LMBR1: variants seen among roughly 807,000 people sequenced by gnomAD.
LMBR1 encodes limb development membrane protein 1.
In LMBR1, 52 loss-of-function variants were observed where a neutral mutation model predicts 73.9. The ratio of observed to expected loss-of-function variants is 0.70; its 90% CI spans 0.56 to 0.89. The LOEUF (loss-of-function observed/expected upper bound fraction) is 0.89, where lower values mean the gene tolerates loss of function less well. Among genes scored for constraint, LMBR1 ranks in the 40% least tolerant of loss-of-function variants. LMBR1 has a pLI of 0.00. For synonymous variants in LMBR1, 215 were observed against 209.4 expected (o/e 1.03, Z -0.23); for missense variants, 539 against 579.8 (o/e 0.93, Z 0.72).
At chr7:156,835,102 T>C (rs570036099) in intron 2 of LMBR1, among the ~76,000 whole-genome samples, 26 of 152,164 alleles carry the variant, frequency 1.7e-4, no homozygotes, top group South Asian at 1.5e-3. Context: ...ATCACGCCAC[T>C]GCACTCCAGC....
chr7:156,868,036 T>G (rs1332181709), intron 1 of LMBR1, among the ~76,000 whole-genome samples: 6 of 152,148 alleles, frequency 3.9e-5, no homozygotes, highest in Non-Finnish European at 2.9e-5. Flanking sequence ...AGAAAATTTT[T>G]TTAATAAAAA....
At chr7:156,723,692 A>G (rs867152245) in intron 15 of LMBR1, among the ~76,000 whole-genome samples, 1 of 152,136 alleles carries the variant, frequency 6.6e-6, no homozygotes, top group African/African-American at 2.4e-5. Flanking sequence ...GTTCACCTCT[A>G]TTTTGTGGAC....
intron 15 of LMBR1, among the ~76,000 whole-genome samples, chr7:156,696,709 T>G (rs549271900): frequency 6.6e-6 from 1 of 152,286 alleles, no homozygotes; most frequent in South Asian, 2.1e-4. Context: ...TACCTCCCAC[T>G]GAATCCCTCC....
Position 156,892,897 on chromosome 7 carries a change from G to T in LMBR1, c.66+31C>A, listed in dbSNP as rs1032503412. 5 of 1,435,004 alleles carry T rather than the reference G, an allele frequency of 3.5e-6. No homozygotes were observed. The African/African-American group carries it at 7.4e-5, about 21-fold the overall frequency. The allele number at this position is 1,435,004 out of a possible 1,614,324, so 88.9% of individuals were successfully genotyped here. ...ACGGAGGGCCCGGGCGGGCACGCGG[G>T]ACTGTCAGGGCTGCCTCGGTCCCCA... On this transcript the variant is annotated intron_variant, in intron 1 of 16. Transcript: ENST00000353442.
At chr7:156,741,678 T>G (rs10225482) in intron 9 of LMBR1, among the ~76,000 whole-genome samples, 111,327 of 152,062 alleles carry the variant, frequency 0.73, 41,554 homozygotes, top group African/African-American at 0.89. Context: ...TAAAGAGAAA[T>G]ACCTCAATAC....
intron 4 of LMBR1, among the ~76,000 whole-genome samples, chr7:156,812,563 C>T (rs1214143555): frequency 6.6e-6 from 1 of 152,126 alleles, no homozygotes; most frequent in Non-Finnish European, 1.5e-5. Context: ...TACAAAGAAC[C>T]AAATTCAGCC....
At position 156,762,201 on chromosome 7, in the gene LMBR1, G is replaced by A. The variant is rs768354751; in HGVS notation, c.620-3C>T. 2.3e-5 allele frequency: 37 copies of A among 1,603,412 alleles called. No homozygotes were observed. Among genetic ancestry groups the A allele is most frequent in the Non-Finnish European group, 3.0e-5 (35 of 1,171,246 alleles). ...AGAAAGGCCAACTGGTGTACACACT[G>A]CAGAAATAAGATCACCAAAAGACAG... On this transcript the variant is annotated splice_polypyrimidine_tract_variant and splice_region_variant and intron_variant, in intron 7 of 16. Transcript: ENST00000353442.
chr7:156,739,845 G>A (rs58446765), intron 9 of LMBR1, among the ~76,000 whole-genome samples: 14,130 of 152,002 alleles, frequency 0.093, 725 homozygotes, highest in East Asian at 0.16. Flanking sequence ...AGACACTGAC[G>A]AATATCCACA....
intron 4 of LMBR1, among the ~76,000 whole-genome samples, chr7:156,801,923 A>C (rs1831062739): frequency 6.6e-6 from 1 of 152,186 alleles, no homozygotes; most frequent in African/African-American, 2.4e-5. Flanking sequence ...GAGCAAGAAA[A>C]ACTTAAGCTA....
At chr7:156,851,655 A>G (rs1796256009) in intron 1 of LMBR1, among the ~76,000 whole-genome samples, 1 of 152,136 alleles carries the variant, frequency 6.6e-6, no homozygotes, top group African/African-American at 2.4e-5. Flanking sequence ...AACAATGGAG[A>G]GAGAAAAAGT....
chr7:156,803,051 G>T (rs1020835692), intron 4 of LMBR1, among the ~76,000 whole-genome samples: 1 of 152,096 alleles, frequency 6.6e-6, no homozygotes, highest in African/African-American at 2.4e-5. Context: ...AAAAACCCTA[G>T]AAGAAACCCT....
At chr7:156,725,318 G>C (rs1202494899) in intron 14 of LMBR1, 117 bp downstream of exon 14, 2 of 617,962 alleles carry the variant, frequency 3.2e-6, no homozygotes, top group Non-Finnish European at 5.7e-6. Flanking sequence ...TTGTGTTTAC[G>C]CAACTTACAA....
At chr7:156,701,871 A>G (rs1809785225) in intron 15 of LMBR1, among the ~76,000 whole-genome samples, 1 of 152,196 alleles carries the variant, frequency 6.6e-6, no homozygotes, top group Admixed American at 6.5e-5. Context: ...AAGTGAGAAC[A>G]TGTGGTGTTT....
In LMBR1 at chr7:156,670,081, T is replaced by C. The variant is rs1436182541; in HGVS notation, n.867-794A>G. ...AATGTTATTCTAAGAAAAAATTAAA[T>C]TATAAATTTTATGACTTTCACAGTG... On this transcript the variant is annotated intron_variant and non_coding_transcript_variant, in intron 4 of 4. Coordinates refer to the LMBR1 transcript ENST00000430825. The surrounding 1 kb of genome is among the most constrained non-coding windows in gnomAD (Gnocchi z 4.3). 6.6e-6 allele frequency among the ~76,000 whole-genome samples: 1 copy of C among 152,232 alleles called. No individual in the cohort carries two copies. The highest frequency in any genetic ancestry group is 1.5e-5 in the Non-Finnish European group (1 of 68,042).
At chr7:156,888,284 C>G (rs1277078534) in intron 1 of LMBR1, among the ~76,000 whole-genome samples, 1 of 151,918 alleles carries the variant, frequency 6.6e-6, no homozygotes, top group African/African-American at 2.4e-5. Flanking sequence ...GTGGCGGGTG[C>G]CTGTAGTCCC....
chr7:156,746,572 T>TAAA (rs1819892419), intron 9 of LMBR1, among the ~76,000 whole-genome samples: 1 of 152,202 alleles, frequency 6.6e-6, no homozygotes, highest in African/African-American at 2.4e-5. Flanking sequence ...AGGTAATTAA[T>TAAA]AAATACTGAC....
intron 4 of LMBR1, among the ~76,000 whole-genome samples, chr7:156,824,820 A>AG (rs1319036153): frequency 1.3e-5 from 2 of 151,766 alleles, no homozygotes; most frequent in Non-Finnish European, 2.9e-5. Context: ...ACTCTAGGCT[A>AG]GGCGACAGAG....
rs947403651 is a variant in LMBR1, at chr7:156,729,523, G to A, written c.839-803C>T. Reference sequence around the variant, plus strand: ...GAGTCTCGCTCTGTCTCCCAGGCTGGAGTGCAGTGGCACAATCTCGGCTCA... The same window carrying A: ...GAGTCTCGCTCTGTCTCCCAGGCTGAAGTGCAGTGGCACAATCTCGGCTCA... On this transcript the variant is annotated intron_variant, in intron 10 of 16. Coordinates refer to ENST00000353442, the MANE Select transcript of LMBR1 (RefSeq NM_022458.4). Among the ~76,000 whole-genome samples, 5 of 148,072 alleles carry A rather than the reference G, an allele frequency of 3.4e-5. No homozygotes were observed. In the East Asian group the frequency reaches 9.9e-4, roughly 29 times the overall value.
intron 5 of LMBR1, among the ~76,000 whole-genome samples, chr7:156,782,533 TTTTGTTTG>T (rs200705164): frequency 9.2e-5 from 14 of 151,898 alleles, no homozygotes; most frequent in African/African-American, 2.7e-4. Flanking sequence ...CTCATTGCAG[TTTTGTTTG>T]TTTGTTTGTT....
Sources: allele counts gnomAD v4.1 joint callset (sites outside exome capture counted in the v4.1 genomes callset), GRCh38; gene constraint gnomAD v4.1.1; non-coding constraint Gnocchi (gnomAD v3.1); transcripts MANE v1.5; gene names NCBI Gene and HGNC (gene_info 2026-07-23, HGNC 2026-07-21).